The following CEP290 variants were observed in gnomAD, a reference collection of about 807,000 sequenced individuals.
CEP290 encodes the protein centrosomal protein of 290 kDa.
A neutral mutation model predicts 344.9 loss-of-function variants in CEP290; 317 were observed. That is an observed-to-expected ratio of 0.92 (90% CI 0.84 to 1.01). The LOEUF (loss-of-function observed/expected upper bound fraction) is 1.01. CEP290 is among the 50% of genes least tolerant of loss of function. The pLI, the probability that CEP290 is intolerant of heterozygous loss-of-function variation, is 0.00. For synonymous variants in CEP290, 932 were observed against 895.8 expected, an observed-to-expected ratio of 1.04 and a Z score of -0.72; for missense variants, 2,754 against 2,761.4, an observed-to-expected ratio of 1.00 and a Z score of 0.06.
intron 11 of CEP290, among the ~76,000 whole-genome samples, chr12:88,127,802 T>C (rs2039823738): frequency 2.0e-5 from 3 of 152,056 alleles, no homozygotes; most frequent in African/African-American, 7.2e-5. Flanking sequence ...AACCCCAAAA[T>C]TGGAAACTTC....
chr12:88,128,972 C>T lies in CEP290; in HGVS notation c.916G>A (p.Val306Ile), dbSNP rs558949569. The T allele has an allele frequency of 2.0e-5, 30 of 1,535,252 alleles. No individual in the cohort carries two copies. The South Asian group carries it at 3.5e-4, about 18-fold the overall frequency. Residue 306 changes from valine (V) to isoleucine (I), a missense_variant, in exon 11 of 54, where the codon GTC (valine) becomes ATC (isoleucine). Transcript: ENST00000552810. The stretch of plus-strand genomic sequence containing the variant: ...TTCCATTCTTCTACTTTTGCATTGA[C>T]AGCTACCATAATTGGATCATCTTCT... ...NEEDDPIMVA[V>I]NAKVEEWKLI...
intron 26 of CEP290, among the ~76,000 whole-genome samples, chr12:88,099,803 C>A (rs2037732841): frequency 6.6e-6 from 1 of 151,760 alleles, no homozygotes; most frequent in African/African-American, 2.4e-5. Context: ...CCATTTTTTT[C>A]TTCCTTTCAT....
intron 19 of CEP290, 44 bp downstream of exon 19, chr12:88,115,054 T>C (rs879201270): frequency 2.4e-5 from 25 of 1,021,660 alleles, no homozygotes; most frequent in Non-Finnish European, 2.9e-5. Context: ...ATTTTAAGTA[T>C]AGGAAAAATA....
At chr12:88,059,099 T>C in intron 48 of CEP290, 79 bp from the exon 49 acceptor site, 1 of 1,232,706 alleles carries the variant, frequency 8.1e-7, no homozygotes, top group South Asian at 1.7e-5. Flanking sequence ...AAAATTATCA[T>C]TACAAATTGG....
intron 52 of CEP290, among the ~76,000 whole-genome samples, chr12:88,052,876 T>C (rs1029498004): frequency 1.3e-5 from 2 of 152,164 alleles, no homozygotes; most frequent in Admixed American, 6.6e-5. Context: ...CACTATGCTG[T>C]GCTGCCCTCT....
At chr12:88,051,621 C>T (rs1391801548) in intron 52 of CEP290, 1 of 151,126 alleles carries the variant, frequency 6.6e-6, no homozygotes, top group Non-Finnish European at 1.5e-5. Flanking sequence ...AATCTGTCTA[C>T]TTAGGAAATA....
At chr12:88,050,776 G>A (rs944155992) in intron 52 of CEP290, among the ~76,000 whole-genome samples, 1 of 152,168 alleles carries the variant, frequency 6.6e-6, no homozygotes, top group African/African-American at 2.4e-5. Context: ...GCAGACTGTT[G>A]GGTAAGGGAC....
intron 13 of CEP290, 57 bp from the exon 14 acceptor site, chr12:88,121,223 G>C (rs2039379854): frequency 3.0e-6 from 4 of 1,343,788 alleles, no homozygotes; most frequent in Non-Finnish European, 4.1e-6. Flanking sequence ...CTTCAAATCA[G>C]TGATCCCAAC....
intron 14 of CEP290, among the ~76,000 whole-genome samples, 152 bp from the exon 15 acceptor site, chr12:88,120,428 A>G (rs984292415): frequency 1.3e-5 from 2 of 152,150 alleles, no homozygotes; most frequent in Non-Finnish European, 2.9e-5. Context: ...GCTTTTATAA[A>G]CCAAATCCAG....
chr12:88,138,424 T>A (rs531437177), intron 5 of CEP290, among the ~76,000 whole-genome samples: 43 of 152,248 alleles, frequency 2.8e-4, no homozygotes, highest in African/African-American at 9.1e-4. Flanking sequence ...AAACAATAGG[T>A]CATCCAAGTT....
chr12:88,125,761 A>T (rs999848110), intron 12 of CEP290, among the ~76,000 whole-genome samples: 7 of 152,012 alleles, frequency 4.6e-5, no homozygotes, highest in Non-Finnish European at 4.4e-5. Flanking sequence ...GTACTTTATT[A>T]AAAAATGTTG....
Position 88,125,265 on chromosome 12 carries a change from A to AT in CEP290, c.1169dup (p.Asn390LysfsTer2). 1 of 916,556 alleles carries AT rather than the reference A, an allele frequency of 1.1e-6. No homozygotes were observed. The highest frequency in any genetic ancestry group is 2.9e-5 in the South Asian group (1 of 34,466). 56.8% of individuals were successfully genotyped at this position (916,556 alleles called of 1,614,324 possible). ...AAATACCTTTGTTTCTTTGGAGCTCATTTTTCAAATCTTCAATAATACAAG... is the reference window on the plus strand; with the variant it reads ...AAATACCTTTGTTTCTTTGGAGCTCATTTTTTCAAATCTTCAATAATACAAG... On this transcript the variant is annotated frameshift_variant, in exon 13 of 54. Transcript: ENST00000552810. LOFTEE classifies it high-confidence loss of function.
intron 43 of CEP290, 111 bp from the exon 44 acceptor site, chr12:88,068,756 A>G (rs1346257411): frequency 1.9e-6 from 2 of 1,030,214 alleles, no homozygotes; most frequent in Admixed American, 3.0e-5. Flanking sequence ...TATTAACACT[A>G]TATTTTAAAT....
intron 14 of CEP290, 21 bp downstream of exon 14, chr12:88,120,976 T>C: frequency 6.3e-7 from 1 of 1,597,600 alleles, no homozygotes; most frequent in Non-Finnish European, 8.5e-7. Flanking sequence ...GCTCCTTGAA[T>C]GACAAGATAA....
chr12:88,078,904 T>C (rs2035981264), intron 39 of CEP290, among the ~76,000 whole-genome samples, 188 bp downstream of exon 39: 2 of 152,158 alleles, frequency 1.3e-5, no homozygotes, highest in South Asian at 4.1e-4. Context: ...ATCCCCAAGA[T>C]GATAATCAGT....
chr12:88,076,046 C>A (rs984381467), intron 41 of CEP290, among the ~76,000 whole-genome samples: 3 of 152,158 alleles, frequency 2.0e-5, no homozygotes, highest in African/African-American at 7.2e-5. Context: ...TGATAGGAAT[C>A]AGGTTAGAAA....
Position 88,141,241 on chromosome 12 carries a change from C to T in CEP290, c.67G>A (p.Glu23Lys). The stretch of plus-strand genomic sequence containing the variant: ...GAAATCAATAAATTATCTGCCAGTT[C>T]TTCTTGACGGGGCAGGTCATCTGGG... ...VDPDDLPRQE[E>K]LADNLLISLS... The change falls in exon 2 of 54, where the codon GAA (glutamate) becomes AAA (lysine). Residue 23 changes from glutamate to lysine, a missense_variant. Physicochemically the swap from Glu to Lys is moderately conservative, Grantham distance 56 (BLOSUM62 1). Transcript: ENST00000552810. 1 of 1,610,816 alleles carries T rather than the reference C, an allele frequency of 6.2e-7. No homozygotes were observed. Among genetic ancestry groups the T allele is most frequent in the African/African-American group, 1.3e-5 (1 of 74,928 alleles).
chr12:88,123,994 C>T (rs1389174958), intron 13 of CEP290, among the ~76,000 whole-genome samples: 1 of 152,064 alleles, frequency 6.6e-6, no homozygotes, highest in Non-Finnish European at 1.5e-5. Context: ...AGAACTGCTG[C>T]ATCCAGTAAC....
chr12:88,079,119 G>C lies in CEP290; in HGVS notation c.5337C>G (p.Ile1779Met), dbSNP rs1367796637. ...TTAGCTCTCTAGTATGTCGATCAAC[G>C]ATTTGTTGAACATTGAGATGGGCCT... ...QKEAHLNVQQ[I>M]VDRHTRELKT... Residue 1779 changes from isoleucine (I) to methionine (M), a missense_variant, in exon 39 of 54, where the codon ATC (isoleucine) becomes ATG (methionine). Physicochemically the swap from Ile to Met is conservative, Grantham distance 10. Coordinates refer to ENST00000552810, the MANE Select transcript of CEP290 (RefSeq NM_025114.4). 1 of 1,592,664 alleles carries C rather than the reference G, an allele frequency of 6.3e-7. No individual in the cohort carries two copies. Among genetic ancestry groups the C allele is most frequent in the Non-Finnish European group, 8.5e-7 (1 of 1,171,972 alleles).
Sources: allele counts gnomAD v4.1 joint callset (sites outside exome capture counted in the v4.1 genomes callset), GRCh38; gene constraint gnomAD v4.1.1; transcripts MANE v1.5; gene names NCBI Gene and HGNC (gene_info 2026-07-23, HGNC 2026-07-21).